Variants in ECE1 observed in about 807,000 individuals in gnomAD.
The protein encoded by ECE1 is endothelin-converting enzyme 1.
ECE1 carries 35 observed loss-of-function variants against 98.6 expected under a neutral mutation model. That is an observed-to-expected ratio of 0.35 (90% CI 0.27 to 0.47). The LOEUF is 0.47. Among genes scored for constraint, ECE1 ranks in the 20% least tolerant of loss-of-function variants. The pLI, the probability that ECE1 is intolerant of heterozygous loss-of-function variation, is 1.00. For missense variants in ECE1, 814 were observed against 1,025.3 expected (o/e 0.79, Z 2.81); for synonymous variants, 394 against 407.1 (o/e 0.97, Z 0.39).
Position 21,256,062 on chromosome 1 carries a change from G to A in ECE1, c.905C>T (p.Pro302Leu), listed in dbSNP as rs1294605433. 1.2e-6 allele frequency: 2 copies of A among 1,611,830 alleles called. No individual in the cohort carries two copies. The highest frequency in any genetic ancestry group is 1.7e-6 in the Non-Finnish European group (2 of 1,177,958). Reference sequence around the variant, plus strand: ...AAAGTCCAAGATCTGCTGCATCTGGGGCCGGATGGCCTCCTCGTCCCCGCC... The same window carrying A: ...AAAGTCCAAGATCTGCTGCATCTGGAGCCGGATGGCCTCCTCGTCCCCGCC... The part of the protein sequence containing the change: ...LGGGDEEAIR[P>L]QMQQILDFET... The change falls in exon 8 of 19, where the codon CCC becomes CTC. Residue 302 changes from proline (P) to leucine (L), a missense_variant. Physicochemically the swap from Pro to Leu is moderately conservative, Grantham distance 98. This residue lies in a region of ECE1 where 105 missense variants were observed against 179.1 expected (regional missense o/e 0.59). Transcript: ENST00000374893.
intron 1 of ECE1, among the ~76,000 whole-genome samples, chr1:21,333,355 T>C (rs893635336): frequency 1.3e-4 from 17 of 132,800 alleles, no homozygotes; most frequent in African/African-American, 4.4e-4. Flanking sequence ...GGGGGGTGGG[T>C]GGGTAGTAGT....
chr1:21,275,486 T>A (rs556469243), intron 3 of ECE1, among the ~76,000 whole-genome samples: 1 of 152,092 alleles, frequency 6.6e-6, no homozygotes, highest in East Asian at 1.9e-4. Context: ...TCCCAGCTAC[T>A]TGGGAGGCTG....
At chr1:21,303,170 C>T (rs567680779) in intron 1 of ECE1, among the ~76,000 whole-genome samples, 1 of 152,342 alleles carries the variant, frequency 6.6e-6, no homozygotes, top group South Asian at 2.1e-4. Context: ...GTGCCCGAGC[C>T]AGGGCAATCC....
In ECE1 at chr1:21,345,450, T is replaced by A. The variant is rs2072654; in HGVS notation, c.-72A>T. On this transcript the variant is annotated 5_prime_UTR_variant, in exon 1 of 19. Coordinates refer to the ECE1 transcript ENST00000415912. The surrounding 1 kb of genome is among the most constrained non-coding windows in gnomAD (Gnocchi z 5.1). ...TCCCGATTCCCAGCTCCGGGTTCCC[T>A]GCTCCCAGCCCAGCTGCTCGGACGG... 16 of 1,260,354 alleles carry A rather than the reference T, an allele frequency of 1.3e-5. No homozygotes were observed. In the African/African-American group the frequency reaches 1.7e-4, roughly 13 times the overall value. The allele number at this position is 1,260,354 out of a possible 1,614,324, so 78.1% of individuals were successfully genotyped here. A position where few individuals can be genotyped will look rare whatever the true frequency, so the allele number is the denominator to read the frequency against.
At chr1:21,337,563 G>A (rs114459796) in intron 1 of ECE1, among the ~76,000 whole-genome samples, 4,286 of 152,210 alleles carry the variant, frequency 0.028, 99 homozygotes, top group Middle Eastern at 0.061. Flanking sequence ...TTTTAGAAAC[G>A]TACAATCTCT....
chr1:21,313,005 G>A (rs548961619), intron 1 of ECE1, among the ~76,000 whole-genome samples: 1 of 152,182 alleles, frequency 6.6e-6, no homozygotes, highest in African/African-American at 2.4e-5. Context: ...AACTCAGAGA[G>A]GGGTAGTGAC....
At chr1:21,282,445 A>G (rs766392578) in intron 2 of ECE1, among the ~76,000 whole-genome samples, 32 of 151,776 alleles carry the variant, frequency 2.1e-4, no homozygotes, top group Non-Finnish European at 3.2e-4. Context: ...AAAATTAGCC[A>G]GGCATGGTGG....
chr1:21,275,767 T>A (rs995759253), intron 3 of ECE1, among the ~76,000 whole-genome samples: 5 of 152,222 alleles, frequency 3.3e-5, no homozygotes, highest in African/African-American at 1.2e-4. Flanking sequence ...AAGTGCTTCA[T>A]GCATTTTGAT....
chr1:21,251,623 C>T (rs982416093), intron 8 of ECE1, among the ~76,000 whole-genome samples: 10 of 152,218 alleles, frequency 6.6e-5, no homozygotes, highest in African/African-American at 1.9e-4. Context: ...GAGATGTGCG[C>T]AGCGGACTTG....
chr1:21,324,782 C>T (rs1639040549), intron 1 of ECE1, among the ~76,000 whole-genome samples: 2 of 152,196 alleles, frequency 1.3e-5, no homozygotes, highest in Non-Finnish European at 2.9e-5. Flanking sequence ...AGATAAGCAG[C>T]TAGTGGAGTG....
rs767471928 is a variant in ECE1, at chr1:21,279,348, C to T, written c.139-16G>A. 4.3e-6 allele frequency: 7 copies of T among 1,614,072 alleles called. No homozygotes were observed. Among genetic ancestry groups the T allele is most frequent in the Non-Finnish European group, 5.9e-6 (7 of 1,180,002 alleles). ...GGAAGTTCACCTGCAGGGAAGGAGG[C>T]AGGAGGGGCGGGGAAGACGTGAGCC... On this transcript the variant is annotated splice_polypyrimidine_tract_variant and intron_variant, in intron 2 of 18. Coordinates refer to ENST00000374893, the MANE Select transcript of ECE1 (RefSeq NM_001397.3).
At chr1:21,241,856 T>C (rs1425661111) in intron 10 of ECE1, among the ~76,000 whole-genome samples, 1 of 152,010 alleles carries the variant, frequency 6.6e-6, no homozygotes, top group African/African-American at 2.4e-5. Flanking sequence ...GGAGCGAGGG[T>C]CTGATCGATC....
At chr1:21,321,516 T>C (rs549339242) in intron 1 of ECE1, among the ~76,000 whole-genome samples, 1 of 152,072 alleles carries the variant, frequency 6.6e-6, no homozygotes, top group African/African-American at 2.4e-5. Flanking sequence ...AAGTAATCAA[T>C]ATGGAATGAG....
intron 17 of ECE1, among the ~76,000 whole-genome samples, chr1:21,223,654 C>T (rs756979172): frequency 2.9e-4 from 44 of 152,092 alleles, no homozygotes; most frequent in Non-Finnish European, 2.5e-4. Context: ...TTAGTAGAGA[C>T]GGGGTTTCAC....
chr1:21,251,183 G>A (rs1368587434), intron 8 of ECE1, among the ~76,000 whole-genome samples: 1 of 151,994 alleles, frequency 6.6e-6, no homozygotes, highest in African/African-American at 2.4e-5. Context: ...TTTGTGAGGA[G>A]GGCAGGTCCT....
chr1:21,324,815 C>G (rs1439950744), intron 1 of ECE1, among the ~76,000 whole-genome samples: 1 of 152,186 alleles, frequency 6.6e-6, no homozygotes, highest in Non-Finnish European at 1.5e-5. Flanking sequence ...CTTCCCCAAC[C>G]GAGTGTGTCA....
intron 9 of ECE1, among the ~76,000 whole-genome samples, chr1:21,245,973 A>C (rs1185579174): frequency 6.6e-6 from 1 of 151,924 alleles, no homozygotes; most frequent in Non-Finnish European, 1.5e-5. Context: ...GTCATTTAAA[A>C]TTTTTTCAGA....
intron 1 of ECE1, among the ~76,000 whole-genome samples, chr1:21,296,733 C>G (rs1638364651): frequency 6.6e-6 from 1 of 152,190 alleles, no homozygotes; most frequent in Non-Finnish European, 1.5e-5. Context: ...CCAGATCTTC[C>G]TGGTTATCTC....
At chr1:21,241,145 T>A (rs1573952969) in intron 10 of ECE1, among the ~76,000 whole-genome samples, 1 of 152,182 alleles carries the variant, frequency 6.6e-6, no homozygotes, top group Non-Finnish European at 1.5e-5. Context: ...AGTAAGATTC[T>A]CCTGCCTCAG....
Sources: gnomAD v4.1 joint callset for allele counts (sites outside exome capture counted in the v4.1 genomes callset) on GRCh38, gnomAD v4.1.1 for gene constraint, gnomAD v4.1.1 regional missense constraint, Gnocchi (gnomAD v3.1) non-coding constraint, MANE v1.5 for transcripts, NCBI Gene and HGNC (gene_info 2026-07-23, HGNC 2026-07-21) for gene names.